Variants in SBF2 observed in about 807,000 individuals in gnomAD.
SBF2 encodes SET binding factor 2, also known as myotubularin-related protein 13.
A neutral mutation model predicts 225.2 loss-of-function variants in SBF2; 112 were observed. The ratio of observed to expected loss-of-function variants is 0.50; its 90% CI spans 0.43 to 0.58. The LOEUF is 0.58. Ranked by LOEUF, SBF2 falls within the 20% of genes least tolerant of loss-of-function variation. SBF2 has a pLI of 0.00. For missense variants in SBF2, 1,996 were observed against 2,206.2 expected (o/e 0.90, Z 1.91); for synonymous variants, 763 against 773.3 (o/e 0.99, Z 0.22).
intron 2 of SBF2, among the ~76,000 whole-genome samples, chr11:10,168,517 T>C (rs900273224): frequency 2.0e-5 from 3 of 152,138 alleles, no homozygotes; most frequent in East Asian, 1.9e-4. Flanking sequence ...CTGTCACCAA[T>C]AGGAAACAGG....
intron 2 of SBF2, among the ~76,000 whole-genome samples, chr11:10,066,027 A>G (rs1193389550): frequency 6.6e-6 from 1 of 152,156 alleles, no homozygotes; most frequent in Non-Finnish European, 1.5e-5. Flanking sequence ...GAATAACCCT[A>G]TATCCATTGA....
chr11:10,076,626 G>T (rs375510518), intron 2 of SBF2, among the ~76,000 whole-genome samples: 16 of 152,222 alleles, frequency 1.1e-4, no homozygotes, highest in African/African-American at 3.6e-4. Context: ...TTGGCTGGCT[G>T]TATTAGCATA....
At chr11:10,060,953 G>C (rs887115279) in intron 2 of SBF2, among the ~76,000 whole-genome samples, 10 of 152,066 alleles carry the variant, frequency 6.6e-5, no homozygotes, top group African/African-American at 2.4e-4. Flanking sequence ...GTGTGAACCT[G>C]GAAGGTGGAG....
intron 2 of SBF2, among the ~76,000 whole-genome samples, chr11:10,178,109 A>G (rs972015545): frequency 6.8e-6 from 1 of 147,194 alleles, no homozygotes; most frequent in African/African-American, 2.6e-5. Flanking sequence ...TCTCTATTTA[A>G]TAAATGGTGC....
intron 2 of SBF2, among the ~76,000 whole-genome samples, chr11:10,185,316 T>C (rs1956894570): frequency 1.3e-5 from 2 of 152,238 alleles, no homozygotes; most frequent in African/African-American, 2.4e-5. Context: ...GGTAATTTTA[T>C]TTTCAATTTT....
chr11:9,795,854 G>C lies in SBF2; in HGVS notation c.4547C>G (p.Ser1516Ter). 1 of 1,613,772 alleles carries C rather than the reference G, an allele frequency of 6.2e-7. No individual in the cohort carries two copies. The highest frequency in any genetic ancestry group is 8.5e-7 in the Non-Finnish European group (1 of 1,179,870). The change falls in exon 33 of 40, where the codon TCA becomes TGA. Residue 1516 changes from serine (S) to a stop codon, truncating the protein, a stop_gained. Transcript: ENST00000256190. LOFTEE classifies it high-confidence loss of function. ...ACCGTGCTCTAATCTTTCATAGTCT[G>C]AATCCAGGAGAAATGTTTTAAAGCG... Reference protein sequence around the residue: ...SNRFKTFLLDSDYERLEHGTL... With the variant: ...SNRFKTFLLD
intron 8 of SBF2, among the ~76,000 whole-genome samples, chr11:10,000,237 T>C (rs952424725): frequency 1.3e-5 from 2 of 152,240 alleles, no homozygotes; most frequent in Non-Finnish European, 2.9e-5. Flanking sequence ...GTAACTTAAA[T>C]ACTTACTTTT....
chr11:9,851,815 G>T (rs924535633), intron 21 of SBF2, among the ~76,000 whole-genome samples: 56 of 152,088 alleles, frequency 3.7e-4, no homozygotes, highest in African/African-American at 1.4e-3. Context: ...CTGTCACCCA[G>T]GCTGGAGTGC....
At chr11:10,150,989 A>G (rs1214443447) in intron 2 of SBF2, among the ~76,000 whole-genome samples, 1 of 152,224 alleles carries the variant, frequency 6.6e-6, no homozygotes, top group Non-Finnish European at 1.5e-5. Flanking sequence ...AAATCATTAT[A>G]GAAACACCAG....
At chr11:9,878,205 G>C (rs1859442248) in intron 17 of SBF2, among the ~76,000 whole-genome samples, 1 of 152,208 alleles carries the variant, frequency 6.6e-6, no homozygotes, top group South Asian at 2.1e-4. Flanking sequence ...CTTTTGAGAA[G>C]TGTCTGTTCA....
intron 28 of SBF2, chr11:9,828,692 T>A: frequency 1.1e-6 from 1 of 947,308 alleles, no homozygotes; most frequent in Non-Finnish European, 1.3e-6. Context: ...GAAAACAAAT[T>A]GTACTGAAAA....
intron 2 of SBF2, among the ~76,000 whole-genome samples, chr11:10,173,469 G>A (rs957509675): frequency 3.3e-5 from 5 of 152,208 alleles, no homozygotes; most frequent in African/African-American, 9.7e-5. Context: ...AAAAAACGCC[G>A]CACCAGGAGA....
At chr11:10,115,516 C>T (rs951905660) in intron 2 of SBF2, among the ~76,000 whole-genome samples, 2 of 152,180 alleles carry the variant, frequency 1.3e-5, no homozygotes, top group Non-Finnish European at 2.9e-5. Flanking sequence ...CAGAAATATA[C>T]TACATTCCCA....
At chr11:10,185,103 A>G (rs1272709746) in intron 2 of SBF2, among the ~76,000 whole-genome samples, 2 of 147,516 alleles carry the variant, frequency 1.4e-5, no homozygotes, top group Non-Finnish European at 3.0e-5. Flanking sequence ...AGGCTGAATA[A>G]TATTCTGGGG....
intron 28 of SBF2, among the ~76,000 whole-genome samples, chr11:9,826,749 GTA>G (rs1194381849): frequency 1.3e-4 from 19 of 150,834 alleles, no homozygotes; most frequent in East Asian, 3.9e-4. Flanking sequence ...GTGTGTGTGT[GTA>G]TGTGTGTGTG....
rs377642482 is a variant in SBF2, at chr11:9,836,690, T to TG, written c.3455+2807dup. 7.4e-4 allele frequency among the ~76,000 whole-genome samples: 113 copies of TG among 152,300 alleles called. 1 individual carries two copies. Among genetic ancestry groups the TG allele is most frequent in the African/African-American group, 2.6e-3 (107 of 41,574 alleles). The stretch of plus-strand genomic sequence containing the variant: ...TTCAGGAAATTCAGTTTTAGAATAC[T>TG]GAATATTCTAATCTAAGAACCTGAA... On this transcript the variant is annotated intron_variant, in intron 26 of 39. Coordinates refer to ENST00000256190, the MANE Select transcript of SBF2 (RefSeq NM_030962.4).
At chr11:10,225,661 A>G (rs1189545191) in intron 1 of SBF2, among the ~76,000 whole-genome samples, 1 of 152,140 alleles carries the variant, frequency 6.6e-6, no homozygotes, top group Non-Finnish European at 1.5e-5. Context: ...ATTTAATTCT[A>G]TCAAAAGCAT....
intron 2 of SBF2, among the ~76,000 whole-genome samples, chr11:10,122,573 A>G (rs887543452): frequency 4.6e-5 from 7 of 152,264 alleles, no homozygotes; most frequent in African/African-American, 1.7e-4. Context: ...CAAGCAAACT[A>G]TAAAAAACTA....
At chr11:10,006,250 G>A (rs1948185555) in intron 6 of SBF2, among the ~76,000 whole-genome samples, 1 of 152,152 alleles carries the variant, frequency 6.6e-6, no homozygotes, top group African/African-American at 2.4e-5. Flanking sequence ...TGCTGAATTT[G>A]TGCAGCAGCA....
Sources: allele counts gnomAD v4.1 joint callset (sites outside exome capture counted in the v4.1 genomes callset), GRCh38; gene constraint gnomAD v4.1.1; transcripts MANE v1.5; gene names NCBI Gene and HGNC (gene_info 2026-07-23, HGNC 2026-07-21).